Variants in CSPG4 observed in about 807,000 individuals in gnomAD.
CSPG4 encodes chondroitin sulfate proteoglycan 4.
A neutral mutation model predicts 139.3 loss-of-function variants in CSPG4; 74 were observed. That is an observed-to-expected ratio of 0.53 (90% confidence interval 0.44 to 0.64). The LOEUF (loss-of-function observed/expected upper bound fraction) is 0.64. Among genes scored for constraint, CSPG4 ranks in the 30% least tolerant of loss-of-function variants. CSPG4 has a pLI of 0.00. For synonymous variants in CSPG4, 1,234 were observed against 1,394.2 expected, an observed-to-expected ratio of 0.89 and a Z score of 2.56; for missense variants, 2,565 against 3,148.3, an observed-to-expected ratio of 0.81 and a Z score of 4.43.
At chr15:75,703,477 C>G (rs1042387734) in intron 1 of CSPG4, among the ~76,000 whole-genome samples, 27 of 151,688 alleles carry the variant, frequency 1.8e-4, no homozygotes, top group Admixed American at 1.2e-3. Flanking sequence ...GCAGGCGTCT[C>G]TGTGGCCTCG....
rs1301014864 is a variant in CSPG4, at chr15:75,688,593, C to T, written c.2472G>A (p.Glu824=). The change falls in exon 3 of 10, where the codon GAG becomes GAA. Residue 824 remains glutamate (E), a synonymous_variant. Coordinates refer to ENST00000308508, the MANE Select transcript of CSPG4 (RefSeq NM_001897.5). The part of the protein sequence containing the change: ...AGPSPPTFHY[E]VVQAPRKGNL... The stretch of plus-strand genomic sequence containing the variant: ...TGCCTTTCCTGGGAGCCTGAACCAC[C>T]TCATAATGGAAGGTTGGGGGGCTTG... 1.1e-5 allele frequency: 18 copies of T among 1,612,906 alleles called. No homozygotes were observed. The Admixed American group carries it at 2.8e-4, about 25-fold the overall frequency.
chr15:75,681,177 T>C lies in CSPG4; in HGVS notation c.4950+1116A>G, dbSNP rs926366473. On this transcript the variant is annotated intron_variant, in intron 8 of 9. Coordinates refer to ENST00000308508, the MANE Select transcript of CSPG4 (RefSeq NM_001897.5). The stretch of plus-strand genomic sequence containing the variant: ...TGGGGAGCCAGGGAAATACAGAACC[T>C]GGGACTGGGAGGTGTTGATGTGAGA... Among the ~76,000 whole-genome samples, 26 of 152,314 alleles carry C rather than the reference T, an allele frequency of 1.7e-4. No homozygotes were observed. The East Asian group carries it at 2.9e-3, about 17-fold the overall frequency.
chr15:75,712,972 C>G (rs1566979420), upstream of CSPG4: 1 of 522,158 alleles, frequency 1.9e-6, no homozygotes, highest in Non-Finnish European at 3.3e-6. Flanking sequence ...CTTAAAGGGC[C>G]CGTGCGGGGC....
Position 75,674,449 on chromosome 15 carries a change from G to T in CSPG4, c.*1101C>A, listed in dbSNP as rs562069097. ...GACTGGCCCACCTGCCCACACAGGT[G>T]GGGGCACAGGAGGTCTGGGAGGCCC... is the stretch of plus-strand genomic sequence containing the variant. On this transcript the variant is annotated 3_prime_UTR_variant, in exon 10 of 10. Transcript: ENST00000308508. The T allele has an allele frequency of 5.9e-4, 207 of 351,872 alleles. 2 individuals carry two copies. The highest frequency in any genetic ancestry group is 3.9e-3 in the African/African-American group (186 of 47,908). 21.8% of individuals were successfully genotyped at this position (351,872 alleles called of 1,614,324 possible). A position where few individuals can be genotyped will look rare whatever the true frequency, so the allele number is the denominator to read the frequency against.
In CSPG4 at chr15:75,677,165, A is replaced by T; in HGVS notation, c.5354T>A (p.Val1785Glu). 3.5e-6 allele frequency: 5 copies of T among 1,433,704 alleles called. No homozygotes were observed. Among genetic ancestry groups the T allele is most frequent in the Non-Finnish European group, 3.7e-6 (4 of 1,091,170 alleles). 88.8% of individuals were successfully genotyped at this position (1,433,704 alleles called of 1,614,324 possible). The stretch of plus-strand genomic sequence containing the variant: ...GGTGCCCCCACCGCCGTGGGCATAC[A>T]CTAGCTGCCCTGCAGCCAGCTGGGA... ...LQSQLAAGQL[V>E]YAHGGGGTQQ... Residue 1785 changes from valine (V) to glutamate (E), a missense_variant, in exon 10 of 10, where the codon GTG becomes GAG. Physicochemically the swap from Val to Glu is moderately radical, Grantham distance 121 (BLOSUM62 -2). Coordinates refer to ENST00000308508, the MANE Select transcript of CSPG4 (RefSeq NM_001897.5).
intron 8 of CSPG4, chr15:75,680,673 A>G (rs1893961668): frequency 6.5e-6 from 1 of 153,670 alleles, no homozygotes. Flanking sequence ...AGTGTCCTCC[A>G]GTGAAGGAAA....
At chr15:75,694,064 A>T (rs1220854147) in intron 1 of CSPG4, among the ~76,000 whole-genome samples, 25 of 152,230 alleles carry the variant, frequency 1.6e-4, no homozygotes, top group Admixed American at 1.6e-3. Context: ...CACCGTGGCC[A>T]AGGAACCAGG....
At chr15:75,683,077 G>A (rs12916394) in intron 5 of CSPG4, 36 bp from the exon 6 acceptor site, 1,356 of 1,584,620 alleles carry the variant, frequency 8.6e-4, no homozygotes, top group Non-Finnish European at 1.0e-3. Context: ...CTGCCTTGCC[G>A]CACTCACCCA....
intron 2 of CSPG4, among the ~76,000 whole-genome samples, chr15:75,691,407 T>C (rs1450480731): frequency 6.6e-5 from 10 of 152,174 alleles, no homozygotes; most frequent in Middle Eastern, 3.2e-3. Flanking sequence ...AGCAAGATGC[T>C]CTCCTAGAAA....
chr15:75,701,911 C>G (rs1894307864), intron 1 of CSPG4, among the ~76,000 whole-genome samples: 1 of 152,240 alleles, frequency 6.6e-6, no homozygotes, highest in African/African-American at 2.4e-5. Flanking sequence ...CCTCCCTCCC[C>G]ACAGCCACTG....
Position 75,685,637 on chromosome 15 carries a change from C to A in CSPG4, c.3854G>T (p.Gly1285Val). 6.2e-7 allele frequency: 1 copy of A among 1,609,216 alleles called. No individual in the cohort carries two copies. The highest frequency in any genetic ancestry group is 8.5e-7 in the Non-Finnish European group (1 of 1,179,636). The change falls in exon 4 of 10, where the codon GGC becomes GTC. Residue 1285 changes from glycine (G) to valine (V), a missense_variant. Coordinates refer to ENST00000308508, the MANE Select transcript of CSPG4 (RefSeq NM_001897.5). ...VFSVKSPPSA[G>V]YLVMVSRGAL... is the part of the protein sequence containing the mutation. The stretch of plus-strand genomic sequence containing the variant: ...GCCACGCGACACCATCACCAGGTAG[C>A]CGGCACTCGGTGGGCTCTTCACTGA...
At chr15:75,700,389 G>T (rs547093434) in intron 1 of CSPG4, among the ~76,000 whole-genome samples, 3 of 152,236 alleles carry the variant, frequency 2.0e-5, no homozygotes, top group East Asian at 3.9e-4. Context: ...AGCGAGGAGG[G>T]GGGGACAGCG....
intron 2 of CSPG4, 74 bp from the exon 3 acceptor site, chr15:75,690,886 C>T: frequency 6.7e-7 from 1 of 1,495,446 alleles, no homozygotes; most frequent in Non-Finnish European, 9.0e-7. Context: ...AAGCATAGAG[C>T]CGGGCGTGAT....
chr15:75,713,389 C>A (rs943651958), upstream of CSPG4, among the ~76,000 whole-genome samples: 3 of 152,156 alleles, frequency 2.0e-5, no homozygotes, highest in Admixed American at 2.0e-4. Flanking sequence ...ACCTCAGTCT[C>A]CCTGTCTGTA....
At chr15:75,683,107 G>A in intron 5 of CSPG4, 66 bp from the exon 6 acceptor site, 6 of 1,502,202 alleles carry the variant, frequency 4.0e-6, no homozygotes, top group Non-Finnish European at 5.4e-6. Flanking sequence ...CCCCGGCCCT[G>A]GGCTGCCACC....
chr15:75,706,234 C>T (rs879883298), intron 1 of CSPG4, among the ~76,000 whole-genome samples: 1 of 152,218 alleles, frequency 6.6e-6, no homozygotes, highest in Admixed American at 6.5e-5. Context: ...CCCCAGCCCC[C>T]TCTGTCTCCC....
At chr15:75,692,708 G>A (rs1344512339) in intron 2 of CSPG4, among the ~76,000 whole-genome samples, 26 of 152,182 alleles carry the variant, frequency 1.7e-4, no homozygotes, top group Non-Finnish European at 3.5e-4. Context: ...AGGAGAGGCT[G>A]GAGTTAGGCA....
In CSPG4 at chr15:75,682,752, G is replaced by C; in HGVS notation, c.4649-11C>G. 1.2e-6 allele frequency: 2 copies of C among 1,612,118 alleles called. No homozygotes were observed. The highest frequency in any genetic ancestry group is 2.7e-5 in the African/African-American group (2 of 75,024). On this transcript the variant is annotated splice_polypyrimidine_tract_variant and intron_variant, in intron 6 of 9. Transcript: ENST00000308508. ...CTCCATCCAGGGTTCCTGGGGACAG[G>C]GGCATTGGGTCCAGCTGGCCCGAGC... is the stretch of plus-strand genomic sequence containing the variant.
intron 8 of CSPG4, 152 bp from the exon 9 acceptor site, chr15:75,678,038 G>C (rs1042799433): frequency 1.3e-5 from 9 of 682,110 alleles, no homozygotes; most frequent in Non-Finnish European, 2.1e-5. Flanking sequence ...TAACTCACTG[G>C]GTCACATCAG....
Sources: allele counts gnomAD v4.1 joint callset (sites outside exome capture counted in the v4.1 genomes callset), GRCh38; gene constraint gnomAD v4.1.1; transcripts MANE v1.5; gene names NCBI Gene and HGNC (gene_info 2026-07-23, HGNC 2026-07-21).